Variants in ARID4B observed in about 807,000 individuals in gnomAD.
ARID4B encodes the protein AT-rich interaction domain 4B.
A neutral mutation model predicts 147.5 loss-of-function variants in ARID4B; 26 were observed. That is an observed-to-expected ratio of 0.18 (90% CI 0.13 to 0.24). ARID4B has a LOEUF of 0.24. Among genes scored for constraint, ARID4B ranks in the 10% least tolerant of loss-of-function variants. The pLI is 1.00. For missense variants in ARID4B, 1,179 were observed against 1,511.5 expected, an observed-to-expected ratio of 0.78 and a Z score of 3.65; for synonymous variants, 512 against 507.9, an observed-to-expected ratio of 1.01 and a Z score of -0.11.
At chr1:235,245,730 TTATC>T (rs1344017514) in intron 7 of ARID4B, among the ~76,000 whole-genome samples, 1 of 152,192 alleles carries the variant, frequency 6.6e-6, no homozygotes, top group African/African-American at 2.4e-5. Context: ...ATGATGTTGA[TTATC>T]TAGTACTTAT....
rs574734343 is a variant in ARID4B, at chr1:235,306,737, C to A, written c.6+20177G>T. On this transcript the variant is annotated intron_variant, in intron 2 of 23. Coordinates refer to ENST00000264183, the MANE Select transcript of ARID4B (RefSeq NM_016374.6). ...GTGGTGTGACCTCAGCTCACTACAACTTTCACCTCCCGGATTCAAGCGATT... is the reference window on the plus strand; with the variant it reads ...GTGGTGTGACCTCAGCTCACTACAAATTTCACCTCCCGGATTCAAGCGATT... Among the ~76,000 whole-genome samples, 194 of 152,114 alleles carry A rather than the reference C, an allele frequency of 1.3e-3. 1 individual carries two copies. The highest frequency in any genetic ancestry group is 4.6e-3 in the African/African-American group (190 of 41,512).
chr1:235,264,690 A>C (rs1016049051), intron 2 of ARID4B, among the ~76,000 whole-genome samples: 3 of 152,236 alleles, frequency 2.0e-5, no homozygotes, highest in Non-Finnish European at 4.4e-5. Context: ...CTTGATGTGG[A>C]CAAACAAGTC....
chr1:235,288,707 T>C (rs1017852170), intron 2 of ARID4B, among the ~76,000 whole-genome samples: 2 of 152,222 alleles, frequency 1.3e-5, no homozygotes, highest in Admixed American at 6.5e-5. Context: ...TGTGCACCTG[T>C]ACATGGGCTG....
intron 17 of ARID4B, among the ~76,000 whole-genome samples, chr1:235,210,318 ATGAC>A (rs1399960176): frequency 6.6e-6 from 1 of 152,074 alleles, no homozygotes; most frequent in Non-Finnish European, 1.5e-5. Flanking sequence ...CTTGTCATGA[ATGAC>A]TACCACTGAA....
chr1:235,191,145 G>T (rs1212956828), intron 19 of ARID4B, among the ~76,000 whole-genome samples: 2 of 152,096 alleles, frequency 1.3e-5, no homozygotes, highest in Non-Finnish European at 2.9e-5. Context: ...AAAAATAGGG[G>T]TAAATCACCA....
rs140966620 is a variant in ARID4B at position 235,233,017 on chromosome 1, T to C, written c.665+1396A>G. On this transcript the variant is annotated intron_variant, in intron 9 of 23. Transcript: ENST00000264183. ...CATGCCTGGCTAATTTTTGTATTTT[T>C]AGTAGAGACGGAGTTTTGCCATGTT... Among the ~76,000 whole-genome samples, 1,388 of 152,250 alleles carry C rather than the reference T, an allele frequency of 9.1e-3. 7 individuals carry two copies. The highest frequency in any genetic ancestry group is 0.02 in the Middle Eastern group (6 of 294).
chr1:235,167,213 G>A lies in ARID4B; in HGVS notation c.*1312C>T, dbSNP rs538170556. The A allele has an allele frequency of 3.8e-5, 8 of 209,964 alleles. No individual in the cohort carries two copies. The highest frequency in any genetic ancestry group is 3.6e-4 in the East Asian group (5 of 13,868). 13.0% of individuals were successfully genotyped at this position (209,964 alleles called of 1,614,324 possible). ...CAAAACGCATTGAAATTCCCACGTC[G>A]TATTGCCAGGAAACAAAGAAAACAT... On this transcript the variant is annotated 3_prime_UTR_variant, in exon 24 of 24. Coordinates refer to ENST00000264183, the MANE Select transcript of ARID4B (RefSeq NM_016374.6).
Position 235,256,871 on chromosome 1 carries a change from T to C in ARID4B, c.183+289A>G, listed in dbSNP as rs183286984. Among the ~76,000 whole-genome samples, 40 of 152,282 alleles carry C rather than the reference T, an allele frequency of 2.6e-4. No homozygotes were observed. The East Asian group carries it at 5.8e-3, about 22-fold the overall frequency. On this transcript the variant is annotated intron_variant, in intron 4 of 23. Coordinates refer to ENST00000264183, the MANE Select transcript of ARID4B (RefSeq NM_016374.6). Reference sequence around the variant, plus strand: ...AAACTGGTTTTACTACCATATCAAGTATTATTTAATATTAAATCTTTTTTT... The same window carrying C: ...AAACTGGTTTTACTACCATATCAAGCATTATTTAATATTAAATCTTTTTTT...
At chr1:235,288,961 G>A (rs940393906) in intron 2 of ARID4B, among the ~76,000 whole-genome samples, 1 of 152,166 alleles carries the variant, frequency 6.6e-6, no homozygotes, top group African/African-American at 2.4e-5. Flanking sequence ...TTCTGCACCA[G>A]TTATTAGCAA....
Position 235,252,822 on chromosome 1 carries a change from G to A in ARID4B, c.275-13C>T, listed in dbSNP as rs780985383. The A allele has an allele frequency of 2.8e-5, 44 of 1,599,314 alleles. No individual in the cohort carries two copies. The East Asian group carries it at 8.1e-4, about 30-fold the overall frequency. ...CCGTCATCAAAAACTATGAGAGGGG[G>A]TAAAAATGGAAGCTACTGAAGGATT... On this transcript the variant is annotated splice_polypyrimidine_tract_variant and intron_variant, in intron 5 of 23. Coordinates refer to ENST00000264183, the MANE Select transcript of ARID4B (RefSeq NM_016374.6).
chr1:235,203,026 A>G (rs1666057637), intron 17 of ARID4B, among the ~76,000 whole-genome samples: 2 of 152,236 alleles, frequency 1.3e-5, no homozygotes, highest in Non-Finnish European at 2.9e-5. Flanking sequence ...ATTCAACAAA[A>G]GAAGACAATA....
intron 3 of ARID4B, among the ~76,000 whole-genome samples, chr1:235,259,381 T>C (rs1670163981): frequency 6.6e-6 from 1 of 152,236 alleles, no homozygotes; most frequent in Non-Finnish European, 1.5e-5. Context: ...CTTTTCCAAC[T>C]GGCACAAACT....
At chr1:235,175,062 G>A (rs12731779) in intron 22 of ARID4B, 122 bp downstream of exon 22, 280,752 of 816,486 alleles carry the variant, frequency 0.34, 51,705 homozygotes, top group South Asian at 0.53. Context: ...AGCCAAGATC[G>A]CACCACCGCA....
intron 17 of ARID4B, among the ~76,000 whole-genome samples, chr1:235,200,352 G>A (rs1391652095): frequency 6.6e-6 from 1 of 152,156 alleles, no homozygotes; most frequent in Non-Finnish European, 1.5e-5. Flanking sequence ...CTAGCTACTT[G>A]GGATGCTGAG....
At chr1:235,270,898 T>C (rs1258558871) in intron 2 of ARID4B, among the ~76,000 whole-genome samples, 1 of 152,158 alleles carries the variant, frequency 6.6e-6, no homozygotes, top group Non-Finnish European at 1.5e-5. Flanking sequence ...AAATTCAGAA[T>C]ACAAACAGAA....
At chr1:235,322,067 C>T (rs1244759071) in intron 2 of ARID4B, among the ~76,000 whole-genome samples, 1 of 151,560 alleles carries the variant, frequency 6.6e-6, no homozygotes, top group Non-Finnish European at 1.5e-5. Flanking sequence ...TTGCTCTTGT[C>T]ACCCAGGCTG....
chr1:235,319,212 G>C (rs923546775), intron 2 of ARID4B, among the ~76,000 whole-genome samples: 2 of 152,216 alleles, frequency 1.3e-5, no homozygotes, highest in Non-Finnish European at 2.9e-5. Context: ...AGAAATTTAT[G>C]AACACTTTAA....
chr1:235,186,591 T>C (rs889435589), intron 19 of ARID4B, among the ~76,000 whole-genome samples: 11 of 152,034 alleles, frequency 7.2e-5, no homozygotes, highest in African/African-American at 2.7e-4. Context: ...TTAGCAGAGA[T>C]GGGGTTTCAC....
chr1:235,256,277 T>C lies in ARID4B; in HGVS notation c.184-527A>G, dbSNP rs558475551. Among the ~76,000 whole-genome samples, 24 of 151,866 alleles carry C rather than the reference T, an allele frequency of 1.6e-4. 1 individual carries two copies. The South Asian group carries it at 3.5e-3, about 22-fold the overall frequency. ...AAAGGCAAATAATACCTAAGTACTATTATAAAGTTTTACCCTTACAACCCC... is the reference window on the plus strand; with the variant it reads ...AAAGGCAAATAATACCTAAGTACTACTATAAAGTTTTACCCTTACAACCCC... On this transcript the variant is annotated intron_variant, in intron 4 of 23. Transcript: ENST00000264183.
Sources: gnomAD v4.1 joint callset for allele counts (sites outside exome capture counted in the v4.1 genomes callset) on GRCh38, gnomAD v4.1.1 for gene constraint, MANE v1.5 for transcripts, NCBI Gene and HGNC (gene_info 2026-07-23, HGNC 2026-07-21) for gene names.